GALNT17: variants seen among roughly 807,000 people sequenced by gnomAD.
The protein encoded by GALNT17 is UDP-GalNAc:polypeptide N-acetylgalactosaminyltransferase-like 3.
In GALNT17, 29 loss-of-function variants were observed where a neutral mutation model predicts 63.7. The ratio of observed to expected loss-of-function variants is 0.46; its 90% CI spans 0.34 to 0.62. The LOEUF (loss-of-function observed/expected upper bound fraction) is 0.62. Among genes scored for constraint, GALNT17 ranks in the 20% least tolerant of loss-of-function variants. GALNT17 has a pLI of 0.01. For missense variants in GALNT17, 603 were observed against 799.6 expected, an observed-to-expected ratio of 0.75 and a Z score of 2.97; for synonymous variants, 305 against 318.3, an observed-to-expected ratio of 0.96 and a Z score of 0.45.
At chr7:71,376,321 T>G (rs1383024950) in intron 2 of GALNT17, among the ~76,000 whole-genome samples, 1 of 151,978 alleles carries the variant, frequency 6.6e-6, no homozygotes, top group African/African-American at 2.4e-5. Flanking sequence ...GAGGATTTTT[T>G]TTTTTTAGCT....
chr7:71,580,357 CAG>C (rs1789614612), intron 6 of GALNT17, among the ~76,000 whole-genome samples: 1 of 150,832 alleles, frequency 6.6e-6, no homozygotes, highest in Admixed American at 6.6e-5. Context: ...ATAGATTAGA[CAG>C]ATGATATATA....
At chr7:71,390,864 T>C (rs867958277) in intron 3 of GALNT17, among the ~76,000 whole-genome samples, 1 of 152,198 alleles carries the variant, frequency 6.6e-6, no homozygotes, top group Non-Finnish European at 1.5e-5. Flanking sequence ...GTACTGTCAG[T>C]GTCAGAGCTT....
chr7:71,592,948 A>C (rs1032375185), intron 6 of GALNT17, among the ~76,000 whole-genome samples: 1 of 152,018 alleles, frequency 6.6e-6, no homozygotes, highest in African/African-American at 2.4e-5. Flanking sequence ...GGAGTTCGAG[A>C]CCAGCCTGGG....
chr7:71,283,671 G>C (rs1790817762), intron 1 of GALNT17, among the ~76,000 whole-genome samples: 1 of 152,056 alleles, frequency 6.6e-6, no homozygotes, highest in Non-Finnish European at 1.5e-5. Context: ...GGAGGTAATT[G>C]AATCATGGGG....
intron 1 of GALNT17, 136 bp downstream of exon 1, chr7:71,133,176 T>C: frequency 1.4e-6 from 1 of 725,048 alleles, no homozygotes; most frequent in African/African-American, 1.9e-5. Flanking sequence ...TTCTTACCCT[T>C]CCTGCCCCGT....
chr7:71,295,801 C>T (rs1020289673), intron 1 of GALNT17, among the ~76,000 whole-genome samples: 11 of 152,000 alleles, frequency 7.2e-5, no homozygotes, highest in African/African-American at 2.7e-4. Context: ...CATTATGTTG[C>T]CCAGGCTGGT....
At chr7:71,370,109 G>A (rs986826849) in intron 2 of GALNT17, among the ~76,000 whole-genome samples, 2 of 152,152 alleles carry the variant, frequency 1.3e-5, no homozygotes, top group Non-Finnish European at 2.9e-5. Flanking sequence ...AAAACACCCA[G>A]CCCCGGCTCC....
chr7:71,270,360 A>G (rs1353455448), intron 1 of GALNT17, among the ~76,000 whole-genome samples: 1 of 151,904 alleles, frequency 6.6e-6, no homozygotes, highest in Non-Finnish European at 1.5e-5. Flanking sequence ...CGTCTCTACT[A>G]AAAAAATAAC....
chr7:71,525,320 C>T (rs1191796407), intron 5 of GALNT17, among the ~76,000 whole-genome samples: 1 of 152,018 alleles, frequency 6.6e-6, no homozygotes, highest in East Asian at 1.9e-4. Flanking sequence ...GGACTACAGG[C>T]TGTACAGGCC....
chr7:71,372,254 T>C (rs965954591), intron 2 of GALNT17, among the ~76,000 whole-genome samples: 7 of 152,196 alleles, frequency 4.6e-5, no homozygotes, highest in African/African-American at 1.7e-4. Context: ...AACCTCCACC[T>C]CCCGGCCTCA....
chr7:71,709,119 C>T (rs796293366), intron 9 of GALNT17, among the ~76,000 whole-genome samples: 21 of 152,276 alleles, frequency 1.4e-4, no homozygotes, highest in African/African-American at 5.1e-4. Context: ...ACTTTTAGTT[C>T]TTTGATAAGT....
Position 71,665,165 on chromosome 7 carries a change from C to T in GALNT17, c.1081-246C>T, listed in dbSNP as rs940957488. Among the ~76,000 whole-genome samples the T allele has an allele frequency of 9.2e-5, 14 of 152,184 alleles. No individual in the cohort carries two copies. In the South Asian group the frequency reaches 1.0e-3, roughly 11 times the overall value. ...CTAACTTTTCTATCTTTAGTAGAGA[C>T]GAGGTTTCACCATGTTAGCCAGGCT... On this transcript the variant is annotated intron_variant, in intron 6 of 10. Transcript: ENST00000333538.
At chr7:71,191,258 C>A (rs1370534178) in intron 1 of GALNT17, among the ~76,000 whole-genome samples, 1 of 152,064 alleles carries the variant, frequency 6.6e-6, no homozygotes, top group Non-Finnish European at 1.5e-5. Flanking sequence ...TATTTTTAGC[C>A]CTAGATTAGT....
chr7:71,277,315 G>A (rs1381249228), intron 1 of GALNT17, among the ~76,000 whole-genome samples: 3 of 152,100 alleles, frequency 2.0e-5, no homozygotes, highest in Non-Finnish European at 4.4e-5. Flanking sequence ...CATAAAGATG[G>A]AAATGATAGA....
Position 71,624,657 on chromosome 7 carries a change from G to A in GALNT17, c.1081-40754G>A, listed in dbSNP as rs181377317. On this transcript the variant is annotated intron_variant, in intron 6 of 10. Transcript: ENST00000333538. Reference sequence around the variant, plus strand: ...TTTGTTTATGGGTGTCCTATCTATCGATTTTTACTATGTTGGAAATTAAAA... The same window carrying A: ...TTTGTTTATGGGTGTCCTATCTATCAATTTTTACTATGTTGGAAATTAAAA... Among the ~76,000 whole-genome samples, 31 of 152,128 alleles carry A rather than the reference G, an allele frequency of 2.0e-4. No homozygotes were observed. In the East Asian group the frequency reaches 5.0e-3, roughly 25 times the overall value.
At chr7:71,605,963 A>G (rs1283314973) in intron 6 of GALNT17, among the ~76,000 whole-genome samples, 2 of 152,146 alleles carry the variant, frequency 1.3e-5, no homozygotes, top group Non-Finnish European at 2.9e-5. Flanking sequence ...TGACTGAGAC[A>G]GGATCACCCA....
At chr7:71,677,055 G>A (rs1791161311) in intron 8 of GALNT17, among the ~76,000 whole-genome samples, 156 bp from the exon 9 acceptor site, 1 of 152,126 alleles carries the variant, frequency 6.6e-6, no homozygotes, top group Non-Finnish European at 1.5e-5. Flanking sequence ...TCTTGTTAAG[G>A]TGATCACCGC....
At chr7:71,385,026 T>C (rs1441827718) in intron 2 of GALNT17, among the ~76,000 whole-genome samples, 2 of 152,138 alleles carry the variant, frequency 1.3e-5, no homozygotes, top group Non-Finnish European at 2.9e-5. Flanking sequence ...ATCCCAGAAC[T>C]CTGGGTGATT....
rs1346945147 is a variant in GALNT17, at chr7:71,712,863, A to G, written c.*717A>G. The G allele has an allele frequency of 6.6e-6, 1 of 152,626 alleles. No individual in the cohort carries two copies. Among genetic ancestry groups the G allele is most frequent in the East Asian group, 1.9e-4 (1 of 5,174 alleles). 9.5% of individuals were successfully genotyped at this position (152,626 alleles called of 1,614,324 possible). A position where few individuals can be genotyped will look rare whatever the true frequency, so the allele number is the denominator to read the frequency against. ...GTGTCTAGAGGAAGCCAGAGACAGAAATAGGCTAAGCCTGCAGTAGGATCT... is the reference window on the plus strand; with the variant it reads ...GTGTCTAGAGGAAGCCAGAGACAGAGATAGGCTAAGCCTGCAGTAGGATCT... On this transcript the variant is annotated 3_prime_UTR_variant, in exon 11 of 11. Coordinates refer to ENST00000333538, the MANE Select transcript of GALNT17 (RefSeq NM_022479.3).
Sources: allele counts gnomAD v4.1 joint callset (sites outside exome capture counted in the v4.1 genomes callset), GRCh38; gene constraint gnomAD v4.1.1; transcripts MANE v1.5; gene names NCBI Gene and HGNC (gene_info 2026-07-23, HGNC 2026-07-21).